PTER: variants seen among roughly 807,000 people sequenced by gnomAD.
PTER encodes the protein N-acetyltaurine hydrolase.
PTER carries 38 observed loss-of-function variants against 29.6 expected under a neutral mutation model. The observed-to-expected ratio is 1.28, with a 90% CI of 0.99 to 1.68. The LOEUF (loss-of-function observed/expected upper bound fraction) is 1.68, where lower values mean the gene tolerates loss of function less well. Ranked by LOEUF, PTER falls within the 40% of genes most tolerant of loss-of-function variation. The pLI is 0.00. For missense variants in PTER, 482 were observed against 427.8 expected (o/e 1.13, Z -1.12); for synonymous variants, 172 against 154.5 (o/e 1.11, Z -0.84).
At chr10:16,438,149 G>A (rs752014332) in intron 1 of PTER, among the ~76,000 whole-genome samples, 21 of 150,376 alleles carry the variant, frequency 1.4e-4, no homozygotes, top group South Asian at 4.3e-4. Flanking sequence ...GGGACTACAG[G>A]CGCGCTCCAC....
chr10:16,476,831 G>A (rs770648230), intron 1 of PTER, among the ~76,000 whole-genome samples: 10 of 151,546 alleles, frequency 6.6e-5, no homozygotes, highest in Non-Finnish European at 1.5e-4. Flanking sequence ...TCAAAGTCCT[G>A]GAATTACAGG....
chr10:16,509,405 T>C (rs893116105), intron 4 of PTER, among the ~76,000 whole-genome samples: 4 of 152,236 alleles, frequency 2.6e-5, no homozygotes, highest in Non-Finnish European at 5.9e-5. Context: ...GATAACATTG[T>C]GTTTCAAGGT....
At chr10:16,445,913 G>T (rs1240625035) in intron 1 of PTER, among the ~76,000 whole-genome samples, 1 of 152,016 alleles carries the variant, frequency 6.6e-6, no homozygotes, top group East Asian at 1.9e-4. Context: ...GTTGTCCTGG[G>T]CCTGTGAGTC....
At chr10:16,446,553 G>A (rs1429889796) in intron 1 of PTER, among the ~76,000 whole-genome samples, 1 of 152,026 alleles carries the variant, frequency 6.6e-6, no homozygotes, top group Non-Finnish European at 1.5e-5. Flanking sequence ...AGTTTAAAAT[G>A]TTCTCCATGA....
chr10:16,486,500 T>G lies in PTER; in HGVS notation c.581T>G (p.Leu194Arg), dbSNP rs775727089. 19 of 1,613,954 alleles carry G rather than the reference T, an allele frequency of 1.2e-5. No homozygotes were observed. The African/African-American group carries it at 2.5e-4, about 22-fold the overall frequency. ...GCCACAGCTCATGCCCAGGCTCAGC[T>G]TGGTTGTCCTGTTATTATCCATCCT... The part of the protein sequence containing the change: ...LQATAHAQAQ[L>R]GCPVIIHPGR... Residue 194 changes from leucine to arginine, a missense_variant, in exon 3 of 5, where the codon CTT (leucine) becomes CGT (arginine). Coordinates refer to ENST00000535784, the MANE Select transcript of PTER (RefSeq NM_001261836.2).
In PTER at chr10:16,452,737, C is replaced by T. The variant is rs185694590; in HGVS notation, c.-49+15690C>T. The stretch of plus-strand genomic sequence containing the variant: ...TCTTCCTCTTCTTCTTCTACTTCTA[C>T]TTCTTCCTCATTTATTATTATTGTT... On this transcript the variant is annotated intron_variant, in intron 1 of 4. Transcript: ENST00000535784. 2.6e-5 allele frequency among the ~76,000 whole-genome samples: 4 copies of T among 151,428 alleles called. No homozygotes were observed. The East Asian group carries it at 7.8e-4, about 30-fold the overall frequency.
chr10:16,462,656 C>T (rs1005362315), intron 1 of PTER, among the ~76,000 whole-genome samples: 3 of 151,050 alleles, frequency 2.0e-5, no homozygotes, highest in Non-Finnish European at 4.4e-5. Context: ...CTGTAGACTC[C>T]GGCTCCCAGG....
chr10:16,509,297 A>C (rs1414521106), intron 4 of PTER, among the ~76,000 whole-genome samples: 1 of 152,138 alleles, frequency 6.6e-6, no homozygotes, highest in Non-Finnish European at 1.5e-5. Flanking sequence ...CTTTCTCATA[A>C]GTAGTCTCCA....
rs559876665 is a variant in PTER at position 16,512,055 on chromosome 10, T to C, written c.*799T>C. Reference sequence around the variant, plus strand: ...CACAATTTAATTAATTGGTAAGATATAATGCAAAAAAAAAAAGAGAAATGT... The same window carrying C: ...CACAATTTAATTAATTGGTAAGATACAATGCAAAAAAAAAAAGAGAAATGT... On this transcript the variant is annotated 3_prime_UTR_variant, in exon 5 of 5. Coordinates refer to ENST00000535784, the MANE Select transcript of PTER (RefSeq NM_001261836.2). 1 of 147,200 alleles carries C rather than the reference T, an allele frequency of 6.8e-6. No homozygotes were observed. Among genetic ancestry groups the C allele is most frequent in the African/African-American group, 2.6e-5 (1 of 37,880 alleles). 9.1% of individuals were successfully genotyped at this position (147,200 alleles called of 1,614,324 possible). A position where few individuals can be genotyped will look rare whatever the true frequency, so the allele number is the denominator to read the frequency against.
chr10:16,479,900 C>A (rs1571769), intron 1 of PTER, among the ~76,000 whole-genome samples: 6 of 151,154 alleles, frequency 4.0e-5, no homozygotes, highest in Admixed American at 1.3e-4. Context: ...CCTGAGATGC[C>A]TTCCCGTTTT....
At chr10:16,441,250 G>C (rs142984097) in intron 1 of PTER, among the ~76,000 whole-genome samples, 1 of 152,298 alleles carries the variant, frequency 6.6e-6, no homozygotes, top group African/African-American at 2.4e-5. Flanking sequence ...TTCCAATACA[G>C]AGGAATGTTC....
chr10:16,466,339 A>G (rs1451867345), intron 1 of PTER, among the ~76,000 whole-genome samples: 1 of 150,526 alleles, frequency 6.6e-6, no homozygotes, highest in Non-Finnish European at 1.5e-5. Context: ...AGGTTAGACC[A>G]TCTAAAAACA....
chr10:16,470,559 G>C (rs1215556425), intron 1 of PTER, among the ~76,000 whole-genome samples: 3 of 152,206 alleles, frequency 2.0e-5, no homozygotes, highest in South Asian at 2.1e-4. Flanking sequence ...CTTGAGGTCA[G>C]GAGTTCAAGA....
rs75344732 is a variant in PTER, at chr10:16,455,300, G to A, written c.-49+18253G>A. ...GCATCAGACCAAGGGCCAGAAAAAAGAGAAACTTCTGAGCAGAAAAGTACT... is the reference window on the plus strand; with the variant it reads ...GCATCAGACCAAGGGCCAGAAAAAAAAGAAACTTCTGAGCAGAAAAGTACT... On this transcript the variant is annotated intron_variant, in intron 1 of 4. Coordinates refer to ENST00000535784, the MANE Select transcript of PTER (RefSeq NM_001261836.2). Among the ~76,000 whole-genome samples the A allele has an allele frequency of 2.0e-3, 301 of 152,208 alleles. 1 individual carries two copies. The highest frequency in any genetic ancestry group is 7.1e-3 in the African/African-American group (293 of 41,534).
In PTER at chr10:16,467,638, G is replaced by A. The variant is rs368703218; in HGVS notation, c.-48-16699G>A. On this transcript the variant is annotated intron_variant, in intron 1 of 4. Coordinates refer to ENST00000535784, the MANE Select transcript of PTER (RefSeq NM_001261836.2). Reference sequence around the variant, plus strand: ...ACCAGTCTGGCCTACATGGTGAAACGCAGTCTCTACTAAAAATACAAAAAT... The same window carrying A: ...ACCAGTCTGGCCTACATGGTGAAACACAGTCTCTACTAAAAATACAAAAAT... Among the ~76,000 whole-genome samples the A allele has an allele frequency of 9.2e-5, 14 of 151,966 alleles. No individual in the cohort carries two copies. The East Asian group carries it at 1.4e-3, about 15-fold the overall frequency.
chr10:16,478,170 T>G, intron 1 of PTER, among the ~76,000 whole-genome samples: 1 of 152,230 alleles, frequency 6.6e-6, no homozygotes, highest in Admixed American at 6.5e-5. Flanking sequence ...AGATCTCGTT[T>G]TTCAAATTAA....
rs200093337 is a variant in PTER at position 16,505,094 on chromosome 10, C to A, written c.773C>A (p.Thr258Asn). 6.2e-7 allele frequency: 1 copy of A among 1,613,402 alleles called. No individual in the cohort carries two copies. Among genetic ancestry groups the A allele is most frequent in the Non-Finnish European group, 8.5e-7 (1 of 1,179,374 alleles). The change falls in exon 4 of 5, where the codon ACT (threonine) becomes AAT (asparagine). Residue 258 changes from threonine (T) to asparagine (N), a missense_variant. Thr to Asn is a moderately conservative substitution (Grantham distance 65). Coordinates refer to ENST00000535784, the MANE Select transcript of PTER (RefSeq NM_001261836.2). Reference sequence around the variant, plus strand: ...TACTTGGAATATGATCTCTTTGGTACTGAACTACTTCATTACCAACTCGGC... The same window carrying A: ...TACTTGGAATATGATCTCTTTGGTAATGAACTACTTCATTACCAACTCGGC... ...GCYLEYDLFG[T>N]ELLHYQLGPD...
At chr10:16,486,205 T>C in intron 2 of PTER, 147 bp from the exon 3 acceptor site, 1 of 960,894 alleles carries the variant, frequency 1.0e-6, no homozygotes. Flanking sequence ...AAATGCCTTT[T>C]TCCTTGGCCA....
chr10:16,479,083 A>G (rs1835384316), intron 1 of PTER, among the ~76,000 whole-genome samples: 1 of 151,696 alleles, frequency 6.6e-6, no homozygotes, highest in South Asian at 2.1e-4. Context: ...TTCTTAGTCA[A>G]TTTGAAAAAA....
Sources: gnomAD v4.1 joint callset for allele counts (sites outside exome capture counted in the v4.1 genomes callset) on GRCh38, gnomAD v4.1.1 for gene constraint, MANE v1.5 for transcripts, NCBI Gene and HGNC (gene_info 2026-07-23, HGNC 2026-07-21) for gene names.